DYNC2H1: variants seen among roughly 807,000 people sequenced by gnomAD.
The protein encoded by DYNC2H1 is cytoplasmic dynein 2 heavy chain 1.
In DYNC2H1, 410 loss-of-function variants were observed where a neutral mutation model predicts 570.0. The observed-to-expected ratio is 0.72, with a 90% confidence interval of 0.66 to 0.78. The LOEUF (loss-of-function observed/expected upper bound fraction) is 0.78, where lower values mean the gene tolerates loss of function less well. DYNC2H1 is among the 30% of genes least tolerant of loss of function. The pLI, the probability that DYNC2H1 is intolerant of heterozygous loss-of-function variation, is 0.00. For missense variants in DYNC2H1, 4,865 were observed against 5,046.4 expected, an observed-to-expected ratio of 0.96 and a Z score of 1.09; for synonymous variants, 1,688 against 1,677.6, an observed-to-expected ratio of 1.01 and a Z score of -0.15.
chr11:103,476,886 C>A (rs1434364982), intron 88 of DYNC2H1, among the ~76,000 whole-genome samples: 1 of 152,104 alleles, frequency 6.6e-6, no homozygotes, highest in Admixed American at 6.5e-5. Context: ...ATCATAACAC[C>A]ATTTAAGAGA....
chr11:103,420,703 G>A (rs890852447), intron 84 of DYNC2H1, among the ~76,000 whole-genome samples: 4 of 152,190 alleles, frequency 2.6e-5, no homozygotes, highest in African/African-American at 9.6e-5. Flanking sequence ...CACCAGGCCT[G>A]CCTTACAAAA....
chr11:103,449,453 T>C lies in DYNC2H1; in HGVS notation c.12457-5733T>C, dbSNP rs532511588. ...TTCCTCAAATTATTTTTAACACATG[T>C]ATTAATTGTATTTAACTATTCATGG... On this transcript the variant is annotated intron_variant, in intron 85 of 88. Transcript: ENST00000375735. Among the ~76,000 whole-genome samples the C allele has an allele frequency of 3.9e-5, 6 of 152,194 alleles. No homozygotes were observed. The South Asian group carries it at 1.2e-3, about 32-fold the overall frequency.
chr11:103,417,515 G>A (rs575287585), intron 84 of DYNC2H1, among the ~76,000 whole-genome samples: 2 of 152,206 alleles, frequency 1.3e-5, no homozygotes, highest in African/African-American at 4.8e-5. Context: ...TTAGTAAATT[G>A]AATCCAACAA....
At chr11:103,430,922 C>T (rs1205915099) in intron 84 of DYNC2H1, among the ~76,000 whole-genome samples, 3 of 152,054 alleles carry the variant, frequency 2.0e-5, no homozygotes, top group Non-Finnish European at 4.4e-5. Context: ...ATTTATTGTC[C>T]ATAGCCATCT....
chr11:103,444,066 G>C (rs1014379083), intron 85 of DYNC2H1, among the ~76,000 whole-genome samples: 2 of 151,612 alleles, frequency 1.3e-5, no homozygotes, highest in Non-Finnish European at 3.0e-5. Context: ...TTTCAGGACT[G>C]TCTTGATACA....
intron 65 of DYNC2H1, among the ~76,000 whole-genome samples, chr11:103,251,614 G>A (rs1267650190): frequency 6.6e-6 from 1 of 152,064 alleles, no homozygotes; most frequent in Non-Finnish European, 1.5e-5. Flanking sequence ...CAGTCCTCAT[G>A]TTGTACATTG....
chr11:103,451,120 G>A (rs1418743552), intron 85 of DYNC2H1, among the ~76,000 whole-genome samples: 1 of 151,916 alleles, frequency 6.6e-6, no homozygotes, highest in African/African-American at 2.4e-5. Flanking sequence ...TTTATTGGCT[G>A]TGTAATTTTG....
intron 1 of DYNC2H1, among the ~76,000 whole-genome samples, chr11:103,112,662 G>A (rs1378405581): frequency 6.6e-6 from 1 of 152,132 alleles, no homozygotes; most frequent in Non-Finnish European, 1.5e-5. Context: ...CCTTTCCAGT[G>A]GCCAAAAATG....
intron 25 of DYNC2H1, 73 bp downstream of exon 25, chr11:103,155,574 T>C (rs537749105): frequency 1.1e-5 from 16 of 1,428,890 alleles, no homozygotes; most frequent in Non-Finnish European, 1.5e-5. Context: ...ATATTTTGTT[T>C]AAATACAAAA....
chr11:103,399,698 T>C lies in DYNC2H1; in HGVS notation c.12192T>C (p.Pro4064=). ...SNLIHQKVPP[P]NDRQGSPILS... is the part of the protein sequence containing the mutation. Reference sequence around the variant, plus strand: ...TAATACATCAGAAAGTGCCTCCTCCTAACGATCGACAAGGATCTCCAATAC... The same window carrying C: ...TAATACATCAGAAAGTGCCTCCTCCCAACGATCGACAAGGATCTCCAATAC... The change falls in exon 84 of 89, where the codon CCT becomes CCC. Residue 4064 remains proline (P), a synonymous_variant. Transcript: ENST00000375735. The C allele has an allele frequency of 3.1e-6, 5 of 1,613,716 alleles. No individual in the cohort carries two copies. The highest frequency in any genetic ancestry group is 4.2e-6 in the Non-Finnish European group (5 of 1,179,766).
In DYNC2H1 at chr11:103,277,988, T is replaced by A. The variant is rs543852227; in HGVS notation, c.10696-2360T>A. Among the ~76,000 whole-genome samples, 1 of 152,304 alleles carries A rather than the reference T, an allele frequency of 6.6e-6. No homozygotes were observed. Among genetic ancestry groups the A allele is most frequent in the East Asian group, 1.9e-4 (1 of 5,176 alleles). On this transcript the variant is annotated intron_variant, in intron 70 of 88. Transcript: ENST00000375735. This position sits in a 1 kb window ranked among gnomAD's most constrained non-coding sequence, Gnocchi z 4.3. ...CTCATTGTTAATATTTCTCCTTATG[T>A]TGGCTCTGGTAGGTTGTGCCCTAGG... is the stretch of plus-strand genomic sequence containing the variant.
chr11:103,272,021 C>T (rs970778903), intron 70 of DYNC2H1, among the ~76,000 whole-genome samples: 4 of 152,176 alleles, frequency 2.6e-5, no homozygotes, highest in African/African-American at 4.8e-5. Flanking sequence ...GTGGCAATTC[C>T]TCAAGGATCT....
Position 103,156,712 on chromosome 11 carries a change from G to A in DYNC2H1, c.4069G>A (p.Gly1357Ser), listed in dbSNP as rs745380950. The A allele has an allele frequency of 5.6e-6, 9 of 1,613,218 alleles. No individual in the cohort carries two copies. Among genetic ancestry groups the A allele is most frequent in the South Asian group, 1.1e-5 (1 of 90,874 alleles). Residue 1357 changes from glycine (G) to serine (S), a missense_variant, in exon 26 of 89, where the codon GGC becomes AGC. By Grantham distance (56) the Gly-to-Ser change is moderately conservative (BLOSUM62 0). Coordinates refer to ENST00000375735, the MANE Select transcript of DYNC2H1 (RefSeq NM_001377.3). ...RKWVYLEPIFGRGALPKEQTR... is the reference protein window; with the variant it reads ...RKWVYLEPIFSRGALPKEQTR... ...GTGGGTGTATTTGGAACCCATTTTC[G>A]GCCGTGGAGCATTGCCAAAAGAACA...
rs1302639802 is a variant in DYNC2H1, at chr11:103,222,976, T to C, written c.9243T>C (p.Arg3081=). 6.2e-7 allele frequency: 1 copy of C among 1,613,336 alleles called. No homozygotes were observed. The highest frequency in any genetic ancestry group is 1.1e-5 in the South Asian group (1 of 91,040). ...KGSFDPKNAK[R]ASTAAAPLAA... is the part of the protein sequence containing the mutation. ...CATGGATTTTTCAGAATGCTAAGCGTGCCAGTACTGCAGCTGCACCTTTGG... is the reference window on the plus strand; with the variant it reads ...CATGGATTTTTCAGAATGCTAAGCGCGCCAGTACTGCAGCTGCACCTTTGG... The change falls in exon 59 of 89, where the codon CGT becomes CGC. Residue 3081 remains arginine, a synonymous_variant. Coordinates refer to ENST00000375735, the MANE Select transcript of DYNC2H1 (RefSeq NM_001377.3).
At position 103,305,554 on chromosome 11, in the gene DYNC2H1, A is replaced by G. The variant is rs1310105463; in HGVS notation, c.11382+834A>G. On this transcript the variant is annotated intron_variant, in intron 77 of 88. Coordinates refer to ENST00000375735, the MANE Select transcript of DYNC2H1 (RefSeq NM_001377.3). The surrounding 1 kb of genome is among the most constrained non-coding windows in gnomAD (Gnocchi z 4.3). ...GAGGGCCAAAGGAGGTCCTTAACAG[A>G]GAAGTTAGTAATTAATTAATTAATT... Among the ~76,000 whole-genome samples the G allele has an allele frequency of 6.6e-6, 1 of 152,294 alleles. No homozygotes were observed. Among genetic ancestry groups the G allele is most frequent in the South Asian group, 2.1e-4 (1 of 4,826 alleles).
At chr11:103,165,435 G>T (rs763923144) in intron 30 of DYNC2H1, among the ~76,000 whole-genome samples, 1 of 152,132 alleles carries the variant, frequency 6.6e-6, no homozygotes, top group Admixed American at 6.6e-5. Context: ...GGCCAAGGCA[G>T]ATCTTAGTTT....
intron 52 of DYNC2H1, among the ~76,000 whole-genome samples, chr11:103,208,800 T>A (rs977291766): frequency 2.6e-5 from 4 of 151,990 alleles, no homozygotes; most frequent in African/African-American, 9.7e-5. Context: ...TAGATGAAAA[T>A]AAAGCAAATT....
chr11:103,160,396 T>C (rs1861042516), intron 28 of DYNC2H1, among the ~76,000 whole-genome samples: 1 of 152,108 alleles, frequency 6.6e-6, no homozygotes, highest in East Asian at 1.9e-4. Context: ...TACAAGTCTT[T>C]TTGTAGACAT....
intron 83 of DYNC2H1, among the ~76,000 whole-genome samples, chr11:103,390,738 A>T (rs1230615610): frequency 6.6e-6 from 1 of 152,122 alleles, no homozygotes; most frequent in Non-Finnish European, 1.5e-5. Context: ...AAAGTATTTT[A>T]TTTCTCCTTC....
Sources: gnomAD v4.1 joint callset for allele counts (sites outside exome capture counted in the v4.1 genomes callset) on GRCh38, gnomAD v4.1.1 for gene constraint, Gnocchi (gnomAD v3.1) non-coding constraint, MANE v1.5 for transcripts, NCBI Gene and HGNC (gene_info 2026-07-23, HGNC 2026-07-21) for gene names.